Variants in ABCG2 observed in about 807,000 individuals in gnomAD.
ABCG2 encodes the protein broad substrate specificity ATP-binding cassette transporter ABCG2.
A neutral mutation model predicts 73.5 loss-of-function variants in ABCG2; 80 were observed. That is an observed-to-expected ratio of 1.09 (90% CI 0.91 to 1.31). The LOEUF (loss-of-function observed/expected upper bound fraction) is 1.31, where lower values mean the gene tolerates loss of function less well. Ranked by LOEUF, ABCG2 falls within the 50% of genes most tolerant of loss-of-function variation. ABCG2 has a pLI of 0.00. For missense variants in ABCG2, 796 were observed against 786.2 expected, an observed-to-expected ratio of 1.01 and a Z score of -0.15; for synonymous variants, 269 against 282.4, an observed-to-expected ratio of 0.95 and a Z score of 0.48.
Position 88,112,813 on chromosome 4 carries a change from TA to T in ABCG2, c.1194+489del, listed in dbSNP as rs1185825110. Among the ~76,000 whole-genome samples the T allele has an allele frequency of 7.2e-5, 11 of 151,810 alleles. No individual in the cohort carries two copies. In the East Asian group the frequency reaches 1.9e-3, roughly 27 times the overall value. On this transcript the variant is annotated intron_variant, in intron 9 of 15. Transcript: ENST00000237612. Reference sequence around the variant, plus strand: ...TGAGTTAGGTAGTCTAAGAAACCACTAAAAAAAAGAACCTGGCCAGATGTGG... The same window carrying T: ...TGAGTTAGGTAGTCTAAGAAACCACTAAAAAAAGAACCTGGCCAGATGTGG...
At position 88,099,588 on chromosome 4, in the gene ABCG2, T is replaced by C; in HGVS notation, c.1368-140A>G. On this transcript the variant is annotated intron_variant, in intron 11 of 15. Coordinates refer to ENST00000237612, the MANE Select transcript of ABCG2 (RefSeq NM_004827.3). Reference sequence around the variant, plus strand: ...CCCACATCCTCAGGGCTAGACCCACTATGCATGCCCATGAATACCTTGGGT... The same window carrying C: ...CCCACATCCTCAGGGCTAGACCCACCATGCATGCCCATGAATACCTTGGGT... The C allele has an allele frequency of 3.9e-6, 3 of 763,866 alleles. No individual in the cohort carries two copies. In the South Asian group the frequency reaches 6.9e-5, roughly 18 times the overall value. 47.3% of individuals were successfully genotyped at this position (763,866 alleles called of 1,614,324 possible).
chr4:88,201,293 T>C (rs1488820358), intron 1 of ABCG2, among the ~76,000 whole-genome samples: 3 of 149,746 alleles, frequency 2.0e-5, no homozygotes, highest in Non-Finnish European at 4.4e-5. Flanking sequence ...GCCCTGTCAG[T>C]AAAAGTTTTT....
At chr4:88,096,290 C>T (rs907832118) in intron 13 of ABCG2, among the ~76,000 whole-genome samples, 1 of 152,224 alleles carries the variant, frequency 6.6e-6, no homozygotes, top group African/African-American at 2.4e-5. Context: ...CCACCACAAG[C>T]ATACTGGTAT....
At position 88,157,464 on chromosome 4, in the gene ABCG2, A is replaced by G. The variant is rs189370293; in HGVS notation, c.-20+922T>C. 2.6e-5 allele frequency among the ~76,000 whole-genome samples: 4 copies of G among 152,302 alleles called. No homozygotes were observed. The East Asian group carries it at 7.7e-4, about 29-fold the overall frequency. The stretch of plus-strand genomic sequence containing the variant: ...TTCATTGTATTATAGTAGCATGCCC[A>G]TGTTATTAGTTTTGGCCCTTGTTAT... On this transcript the variant is annotated intron_variant, in intron 1 of 15. Coordinates refer to ENST00000237612, the MANE Select transcript of ABCG2 (RefSeq NM_004827.3).
intron 2 of ABCG2, among the ~76,000 whole-genome samples, chr4:88,133,364 G>GA (rs374120766): frequency 0.019 from 2,885 of 149,130 alleles, 84 homozygotes; most frequent in African/African-American, 0.062. Context: ...ATGACCGAAA[G>GA]AAAAAAAAAG....
chr4:88,104,747 T>C (rs561728805), intron 10 of ABCG2, among the ~76,000 whole-genome samples: 1 of 152,132 alleles, frequency 6.6e-6, no homozygotes, highest in African/African-American at 2.4e-5. Context: ...ATGACTGCAC[T>C]ACTGCACACC....
chr4:88,146,372 G>A (rs1725996543), intron 1 of ABCG2, among the ~76,000 whole-genome samples: 1 of 151,446 alleles, frequency 6.6e-6, no homozygotes. Context: ...CAGAGTCTAG[G>A]ACAAATCCAT....
At chr4:88,211,531 C>T (rs1170074404) in intron 1 of ABCG2, among the ~76,000 whole-genome samples, 1 of 152,162 alleles carries the variant, frequency 6.6e-6, no homozygotes, top group Non-Finnish European at 1.5e-5. Flanking sequence ...ATTCTTCTGC[C>T]TCAGACACCT....
chr4:88,230,534 T>A (rs1730425793), intron 1 of ABCG2, among the ~76,000 whole-genome samples: 1 of 151,712 alleles, frequency 6.6e-6, no homozygotes, highest in Admixed American at 6.6e-5. Flanking sequence ...CAACATCCTC[T>A]CTCACTTAGG....
chr4:88,209,018 C>T (rs1187657158), intron 1 of ABCG2, among the ~76,000 whole-genome samples: 1 of 149,690 alleles, frequency 6.7e-6, no homozygotes, highest in Middle Eastern at 3.3e-3. Flanking sequence ...CAAAACAAAA[C>T]AGTTCATACC....
At chr4:88,143,561 A>C (rs966098839) in intron 1 of ABCG2, among the ~76,000 whole-genome samples, 18 of 152,210 alleles carry the variant, frequency 1.2e-4, no homozygotes, top group Non-Finnish European at 1.5e-4. Context: ...AGAGGGTAAC[A>C]CTTATAAATA....
At chr4:88,181,398 CA>C (rs57417105) in intron 1 of ABCG2, among the ~76,000 whole-genome samples, 165 of 96,854 alleles carry the variant, frequency 1.7e-3, no homozygotes, top group African/African-American at 5.1e-3. Flanking sequence ...GACTCCATCT[CA>C]AAAAAAAAAA....
intron 10 of ABCG2, among the ~76,000 whole-genome samples, chr4:88,101,809 T>C (rs2110190042): frequency 6.6e-6 from 1 of 152,360 alleles, no homozygotes; most frequent in South Asian, 2.1e-4. Context: ...GCTGGCATCC[T>C]GATCTCAGAC....
At position 88,107,383 on chromosome 4, in the gene ABCG2, A is replaced by G; in HGVS notation, c.1195-117T>C. 7.3e-6 allele frequency: 5 copies of G among 687,220 alleles called. No homozygotes were observed. In the Admixed American group the frequency reaches 1.7e-4, roughly 23 times the overall value. 42.6% of individuals were successfully genotyped at this position (687,220 alleles called of 1,614,324 possible). A position where few individuals can be genotyped will look rare whatever the true frequency, so the allele number is the denominator to read the frequency against. On this transcript the variant is annotated intron_variant, in intron 9 of 15. Transcript: ENST00000237612. ...CATAATCAGATCTCTCCATTAAGAT[A>G]AACACTCAATGGCTTGGCCAACGTC...
chr4:88,213,092 C>T (rs970495168), intron 1 of ABCG2, among the ~76,000 whole-genome samples: 1 of 152,046 alleles, frequency 6.6e-6, no homozygotes, highest in Non-Finnish European at 1.5e-5. Flanking sequence ...TTTGTAGGGA[C>T]GGGGTCTCAC....
At chr4:88,149,644 G>C (rs894789445) in intron 1 of ABCG2, among the ~76,000 whole-genome samples, 19 of 152,070 alleles carry the variant, frequency 1.2e-4, no homozygotes, top group African/African-American at 4.6e-4. Flanking sequence ...ATGAGGTCGG[G>C]AGTTCGAGAC....
chr4:88,223,834 G>A (rs1730097026), intron 1 of ABCG2: 1 of 151,102 alleles, frequency 6.6e-6, no homozygotes, highest in Non-Finnish European at 1.5e-5. Flanking sequence ...TTTGTAGGAG[G>A]TATGTTCACA....
intron 8 of ABCG2, 82 bp from the exon 9 acceptor site, chr4:88,113,635 A>T: frequency 6.6e-7 from 1 of 1,517,632 alleles, no homozygotes; most frequent in Non-Finnish European, 8.9e-7. Flanking sequence ...CCTTTCTTGG[A>T]TGCTTCCCTA....
intron 1 of ABCG2, among the ~76,000 whole-genome samples, chr4:88,227,966 G>C (rs1730292666): frequency 6.6e-6 from 1 of 152,122 alleles, no homozygotes; most frequent in Non-Finnish European, 1.5e-5. Flanking sequence ...CCAGCTGTGT[G>C]CCTTTGGCAA....
Sources: allele counts gnomAD v4.1 joint callset (sites outside exome capture counted in the v4.1 genomes callset), GRCh38; gene constraint gnomAD v4.1.1; transcripts MANE v1.5; gene names NCBI Gene and HGNC (gene_info 2026-07-23, HGNC 2026-07-21).